Variants in PALM2AKAP2 observed in about 807,000 individuals in gnomAD.
PALM2AKAP2 encodes the protein PALM2 and AKAP2 fusion, also known as PALM2-AKAP2 fusion protein.
Under a neutral mutation model 71.5 loss-of-function variants are expected in PALM2AKAP2, and 37 were observed. The ratio of observed to expected loss-of-function variants is 0.52; its 90% CI spans 0.40 to 0.68. The LOEUF is 0.68. PALM2AKAP2 is among the 30% of genes least tolerant of loss of function. PALM2AKAP2 has a pLI of 0.00. For synonymous variants in PALM2AKAP2, 468 were observed against 478.8 expected (o/e 0.98, Z 0.29); for missense variants, 1,224 against 1,191.8 (o/e 1.03, Z -0.40).
chr9:109,858,616 G>A (rs778563481), intron 1 of PALM2AKAP2, among the ~76,000 whole-genome samples: 24 of 152,284 alleles, frequency 1.6e-4, no homozygotes, highest in Non-Finnish European at 1.0e-4. Context: ...AACACACGGA[G>A]AGGGATGAGA....
intron 1 of PALM2AKAP2, among the ~76,000 whole-genome samples, chr9:110,116,998 A>T (rs139969061): frequency 1.1e-3 from 165 of 152,378 alleles, no homozygotes; most frequent in Non-Finnish European, 2.0e-3. Context: ...AAATGTATTT[A>T]AAGCTTGAAT....
rs116918749 is a variant in PALM2AKAP2, at chr9:109,751,614, G to A, written c.6-28874G>A. Among the ~76,000 whole-genome samples, 189 of 152,196 alleles carry A rather than the reference G, an allele frequency of 1.2e-3. 5 individuals carry two copies. The East Asian group carries it at 0.031, about 25-fold the overall frequency. On this transcript the variant is annotated intron_variant, in intron 1 of 6. Transcript: ENST00000374531. ...TTCCTAGCTCGTTCTTCTTCCATGTGGTTGGAGTTTTGCAGCAGTTTGAGT... is the reference window on the plus strand; with the variant it reads ...TTCCTAGCTCGTTCTTCTTCCATGTAGTTGGAGTTTTGCAGCAGTTTGAGT...
chr9:109,769,772 T>C (rs1309889826), intron 1 of PALM2AKAP2, among the ~76,000 whole-genome samples: 1 of 152,216 alleles, frequency 6.6e-6, no homozygotes, highest in Non-Finnish European at 1.5e-5. Context: ...TAAATGAATT[T>C]GCAACTTGGG....
At chr9:109,782,935 T>G (rs1826859028) in intron 1 of PALM2AKAP2, among the ~76,000 whole-genome samples, 1 of 152,080 alleles carries the variant, frequency 6.6e-6, no homozygotes, top group South Asian at 2.1e-4. Context: ...CCTGGAGTTC[T>G]CAGGGGACCC....
intron 3 of PALM2AKAP2, among the ~76,000 whole-genome samples, chr9:109,885,178 A>G (rs964189958): frequency 6.6e-6 from 1 of 152,196 alleles, no homozygotes; most frequent in African/African-American, 2.4e-5. Context: ...AGGTTTACAG[A>G]CATGTTTTTT....
chr9:109,660,909 G>C (rs1827383368), intron 1 of PALM2AKAP2, among the ~76,000 whole-genome samples: 1 of 152,150 alleles, frequency 6.6e-6, no homozygotes, highest in South Asian at 2.1e-4. Context: ...GCATTTCTCT[G>C]ATGACCAGTG....
At chr9:109,781,660 C>T (rs996375849) in intron 1 of PALM2AKAP2, among the ~76,000 whole-genome samples, 1 of 152,166 alleles carries the variant, frequency 6.6e-6, no homozygotes, top group East Asian at 1.9e-4. Flanking sequence ...GCTCTGAGAC[C>T]CTCTTTCTCA....
intron 3 of PALM2AKAP2, 140 bp from the exon 11 acceptor site, chr9:110,168,259 C>T: frequency 2.0e-6 from 2 of 987,048 alleles, no homozygotes; most frequent in Admixed American, 3.4e-5. Flanking sequence ...TTTCCAGCGT[C>T]TCTCCTATCT....
intron 2 of PALM2AKAP2, among the ~76,000 whole-genome samples, chr9:109,876,317 G>A (rs1829720700): frequency 6.6e-6 from 1 of 152,160 alleles, no homozygotes; most frequent in African/African-American, 2.4e-5. Context: ...GGGATCTGGA[G>A]TCAGTTAAGG....
At chr9:110,043,704 G>GT (rs201224563), upstream of PALM2AKAP2, among the ~76,000 whole-genome samples, 41 of 104,370 alleles carry the variant, frequency 3.9e-4, no homozygotes, top group Non-Finnish European at 7.1e-4. Context: ...TGTAAACTAC[G>GT]TTTTTTTTGG....
chr9:109,897,931 G>A (rs1166147850), intron 3 of PALM2AKAP2, among the ~76,000 whole-genome samples: 1 of 152,168 alleles, frequency 6.6e-6, no homozygotes, highest in Non-Finnish European at 1.5e-5. Flanking sequence ...AGGTGGAGAA[G>A]CCCATTTACT....
chr9:110,150,619 C>G (rs1235048505), intron 2 of PALM2AKAP2, among the ~76,000 whole-genome samples: 1 of 152,174 alleles, frequency 6.6e-6, no homozygotes, highest in Admixed American at 6.5e-5. Flanking sequence ...TCTAAAGCAA[C>G]GTATTACAGG....
intron 6 of PALM2AKAP2, among the ~76,000 whole-genome samples, chr9:109,979,925 C>G (rs1185663838): frequency 6.6e-6 from 1 of 152,196 alleles, no homozygotes; most frequent in Non-Finnish European, 1.5e-5. Flanking sequence ...AACTCTCCCC[C>G]AGACGCAGAC....
At chr9:109,950,112 A>G (rs1224672872) in intron 6 of PALM2AKAP2, among the ~76,000 whole-genome samples, 2 of 152,110 alleles carry the variant, frequency 1.3e-5, no homozygotes. Context: ...TGTTGAGACC[A>G]TGTTGTTTAG....
intron 6 of PALM2AKAP2, among the ~76,000 whole-genome samples, chr9:109,966,982 ATCC>A (rs1279204030): frequency 6.6e-6 from 1 of 152,236 alleles, no homozygotes; most frequent in Middle Eastern, 3.2e-3. Flanking sequence ...ATAACAAATC[ATCC>A]AAACCTAGAA....
rs568210480 is a variant in PALM2AKAP2 at position 109,975,196 on chromosome 9, A to C, written c.497-40758A>C. Among the ~76,000 whole-genome samples the C allele has an allele frequency of 7.9e-5, 12 of 152,322 alleles. No homozygotes were observed. The South Asian group carries it at 2.5e-3, about 32-fold the overall frequency. ...TCAATTATGGCGGTTGAGAAGCCCC[A>C]CGATCTACTATCTACAAGCTGGAGG... On this transcript the variant is annotated intron_variant, in intron 6 of 9. Transcript: ENST00000302798.
chr9:109,923,969 T>G, intron 4 of PALM2AKAP2, 120 bp downstream of exon 4: 2 of 1,061,978 alleles, frequency 1.9e-6, no homozygotes, highest in Non-Finnish European at 2.6e-6. Context: ...CCACGAACTC[T>G]ATGAAATGAG....
At chr9:110,025,364 C>A in intron 7 of PALM2AKAP2, 1 of 1,024,226 alleles carries the variant, frequency 9.8e-7, no homozygotes, top group Non-Finnish European at 1.5e-6. Context: ...GTCATTTTGG[C>A]GAATTACTGG....
intron 1 of PALM2AKAP2, among the ~76,000 whole-genome samples, chr9:109,658,727 A>T (rs1157762419): frequency 6.6e-6 from 1 of 152,190 alleles, no homozygotes; most frequent in Non-Finnish European, 1.5e-5. Flanking sequence ...AGCCAAGTGA[A>T]AGGGATTTCC....
Sources: allele counts gnomAD v4.1 joint callset (sites outside exome capture counted in the v4.1 genomes callset), GRCh38; gene constraint gnomAD v4.1.1; transcripts MANE v1.5; gene names NCBI Gene and HGNC (gene_info 2026-07-23, HGNC 2026-07-21).